The following LOC128092252 variants were observed in gnomAD, a reference collection of about 807,000 sequenced individuals.
At chr15:50,652,328 CAAAAAAAAAAAAAAA>C in the LOC128092252 span, among the ~76,000 whole-genome samples, 13 of 34,234 alleles carry the variant, frequency 3.8e-4, no homozygotes, top group Middle Eastern at 0.05. Context: ...GACTCCATCT[CAAAAAAAAAAAAAAA>C]AAAAAAAAAA....
the LOC128092252 span, among the ~76,000 whole-genome samples, chr15:50,676,038 T>C: frequency 6.6e-6 from 1 of 152,222 alleles, no homozygotes; most frequent in African/African-American, 2.4e-5. Flanking sequence ...AAATGATCCA[T>C]GTAAGTTGTT....
At chr15:50,678,535 TATATATAC>T in the LOC128092252 span, among the ~76,000 whole-genome samples, 40 of 146,336 alleles carry the variant, frequency 2.7e-4, no homozygotes, top group East Asian at 4.0e-4. Flanking sequence ...TATATATATA[TATATATAC>T]ACACACACAC....
At chr15:50,663,448 A>G in the LOC128092252 span, among the ~76,000 whole-genome samples, 97 of 152,202 alleles carry the variant, frequency 6.4e-4, no homozygotes, top group Non-Finnish European at 1.0e-3. Flanking sequence ...TATACTACAT[A>G]ATTTTTTATT....
the LOC128092252 span, among the ~76,000 whole-genome samples, chr15:50,664,249 G>A: frequency 1.3e-5 from 2 of 148,206 alleles, no homozygotes; most frequent in African/African-American, 5.0e-5. Context: ...GTCGGAGGTT[G>A]CAGTGAGCCG....
At chr15:50,680,018 G>A in the LOC128092252 span, among the ~76,000 whole-genome samples, 19 of 152,014 alleles carry the variant, frequency 1.2e-4, no homozygotes, top group Non-Finnish European at 2.2e-4. Flanking sequence ...TGGATCACTT[G>A]AGGTCAGGAG....
chr15:50,659,475 T>C, the LOC128092252 span, among the ~76,000 whole-genome samples: 2 of 152,142 alleles, frequency 1.3e-5, no homozygotes, highest in South Asian at 4.1e-4. Context: ...CCTATTCATA[T>C]AAAATTAAGA....
the LOC128092252 span, among the ~76,000 whole-genome samples, chr15:50,679,513 TATATATATATATATATATATATATA>T: frequency 3.2e-5 from 2 of 61,878 alleles, no homozygotes; most frequent in Non-Finnish European, 5.3e-5. Flanking sequence ...ATATATATAA[TATATATATATATATATATATATATA>T]TTTTTTTTTT....
the LOC128092252 span, among the ~76,000 whole-genome samples, chr15:50,675,687 T>G: frequency 6.6e-6 from 1 of 152,260 alleles, no homozygotes; most frequent in African/African-American, 2.4e-5. Flanking sequence ...TTATACACTT[T>G]GCTTTTTAAT....
the LOC128092252 span, among the ~76,000 whole-genome samples, chr15:50,655,134 T>TTCAATACATCAGA: frequency 2.2e-5 from 2 of 90,834 alleles, no homozygotes; most frequent in South Asian, 6.9e-4. Flanking sequence ...AAAAAGTTAA[T>TTCAATACATCAGA]TAAAAAAAAA....
At chr15:50,684,515 C>T in the LOC128092252 span, among the ~76,000 whole-genome samples, 1 of 151,940 alleles carries the variant, frequency 6.6e-6, no homozygotes, top group Admixed American at 6.6e-5. Context: ...GTGGCTCGCA[C>T]CTGGAGTCCC....
At chr15:50,684,141 C>A in the LOC128092252 span, among the ~76,000 whole-genome samples, 1 of 151,452 alleles carries the variant, frequency 6.6e-6, no homozygotes, top group Non-Finnish European at 1.5e-5. Context: ...TTACTGCGCC[C>A]CACCTGATTA....
the LOC128092252 span, among the ~76,000 whole-genome samples, chr15:50,655,107 T>C: frequency 1.4e-5 from 2 of 139,430 alleles, no homozygotes; most frequent in South Asian, 2.3e-4. Flanking sequence ...AATTATTCAA[T>C]ACATCAGATA....
At chr15:50,683,361 G>T in the LOC128092252 span, among the ~76,000 whole-genome samples, 1 of 151,722 alleles carries the variant, frequency 6.6e-6, no homozygotes, top group African/African-American at 2.4e-5. Context: ...ACTACTACAT[G>T]AATAACATAT....
At chr15:50,678,797 A>G in the LOC128092252 span, among the ~76,000 whole-genome samples, 1 of 152,166 alleles carries the variant, frequency 6.6e-6, no homozygotes. Context: ...TGGGAGGCCA[A>G]GGCAAGAGGA....
the LOC128092252 span, among the ~76,000 whole-genome samples, chr15:50,658,548 G>A: frequency 2.0e-5 from 3 of 151,258 alleles, no homozygotes; most frequent in Non-Finnish European, 4.4e-5. Context: ...CTCCAGCCTG[G>A]GCGAAAGAGC....
the LOC128092252 span, among the ~76,000 whole-genome samples, chr15:50,679,501 G>GCA: frequency 1.2e-5 from 1 of 84,626 alleles, no homozygotes; most frequent in Non-Finnish European, 2.3e-5. Flanking sequence ...ATATATATGT[G>GCA]TATATATATA....
the LOC128092252 span, chr15:50,686,403 C>A: frequency 6.7e-7 from 1 of 1,500,470 alleles, no homozygotes; most frequent in Non-Finnish European, 9.2e-7. Context: ...AATCCGGAAG[C>A]CTCAAGGCAA....
At chr15:50,677,883 T>G in the LOC128092252 span, among the ~76,000 whole-genome samples, 1 of 151,046 alleles carries the variant, frequency 6.6e-6, no homozygotes, top group African/African-American at 2.4e-5. Flanking sequence ...GTAATCAAAT[T>G]AAAAGAAATT....
At chr15:50,657,928 A>G in the LOC128092252 span, 2 of 739,082 alleles carry the variant, frequency 2.7e-6, 1 homozygote, top group South Asian at 3.9e-5. Context: ...TACCTAGTTT[A>G]ATTTTTCAGT....
Sources: gnomAD v4.1 joint callset for allele counts (sites outside exome capture counted in the v4.1 genomes callset) on GRCh38, gnomAD v4.1.1 for gene constraint, MANE v1.5 for transcripts.